Variants in TPCN1 observed in about 807,000 individuals in gnomAD.
TPCN1 encodes two pore channel protein 1.
Under a neutral mutation model 108.8 loss-of-function variants are expected in TPCN1, and 52 were observed. The observed-to-expected ratio is 0.48, with a 90% confidence interval of 0.38 to 0.60. The LOEUF (loss-of-function observed/expected upper bound fraction) is 0.60, where lower values mean the gene tolerates loss of function less well. Ranked by LOEUF, TPCN1 falls within the 20% of genes least tolerant of loss-of-function variation. The pLI is 0.00. For missense variants in TPCN1, 806 were observed against 1,072.8 expected, an observed-to-expected ratio of 0.75 and a Z score of 3.47; for synonymous variants, 446 against 433.7, an observed-to-expected ratio of 1.03 and a Z score of -0.35.
chr12:113,296,565 G>A lies in TPCN1; in HGVS notation c.*489G>A, dbSNP rs143514244. 6.4e-6 allele frequency: 1 copy of A among 156,362 alleles called. No individual in the cohort carries two copies. The highest frequency in any genetic ancestry group is 1.9e-4 in the East Asian group (1 of 5,362). The allele number at this position is 156,362 out of a possible 1,614,324, so 9.7% of individuals were successfully genotyped here. A position where few individuals can be genotyped will look rare whatever the true frequency, so the allele number is the denominator to read the frequency against. ...AAGGAAAGAACTCCCGGTCTCCAGG[G>A]TGGTATTTCAGTGTCTGTGATAATG... is the stretch of plus-strand genomic sequence containing the variant. On this transcript the variant is annotated 3_prime_UTR_variant, in exon 28 of 28. Coordinates refer to ENST00000335509, the MANE Select transcript of TPCN1 (RefSeq NM_017901.6).
intron 2 of TPCN1, among the ~76,000 whole-genome samples, chr12:113,255,653 G>A (rs929512235): frequency 1.3e-5 from 2 of 152,002 alleles, no homozygotes; most frequent in East Asian, 3.9e-4. Flanking sequence ...AGCCTCCTGA[G>A]TAGCTGGGAC....
rs1352964013 is a variant in TPCN1 at position 113,288,722 on chromosome 12, C to G, written c.1707-36C>G. 6.2e-7 allele frequency: 1 copy of G among 1,607,078 alleles called. No homozygotes were observed. The highest frequency in any genetic ancestry group is 1.7e-5 in the Admixed American group (1 of 59,972). On this transcript the variant is annotated intron_variant, in intron 20 of 27. Transcript: ENST00000335509. This position sits in a 1 kb window ranked among gnomAD's most constrained non-coding sequence, Gnocchi z 4.8. Reference sequence around the variant, plus strand: ...GCTGCAGAGGAGCCGTTCCCTCCTGCCGGCCCCGCGTCACCCTGCCCCTGT... The same window carrying G: ...GCTGCAGAGGAGCCGTTCCCTCCTGGCGGCCCCGCGTCACCCTGCCCCTGT...
intron 2 of TPCN1, among the ~76,000 whole-genome samples, chr12:113,237,169 G>A (rs183229413): frequency 9.2e-5 from 14 of 152,240 alleles, no homozygotes; most frequent in African/African-American, 3.1e-4. Context: ...GAAACCCTGG[G>A]GTGGGTCAGC....
Position 113,272,817 on chromosome 12 carries a change from T to C in TPCN1, c.783+125T>C. The C allele has an allele frequency of 2.2e-6, 2 of 921,992 alleles. No homozygotes were observed. Among genetic ancestry groups the C allele is most frequent in the South Asian group, 1.3e-5 (1 of 75,908 alleles). 57.1% of individuals were successfully genotyped at this position (921,992 alleles called of 1,614,324 possible). A position where few individuals can be genotyped will look rare whatever the true frequency, so the allele number is the denominator to read the frequency against. ...GCCTGCCTGGTTTCTCATCATAGCT[T>C]GTGTGTGCATTGCACCTGGGAGTTC... On this transcript the variant is annotated intron_variant, in intron 8 of 27. Transcript: ENST00000335509. The surrounding 1 kb of genome is among the most constrained non-coding windows in gnomAD (Gnocchi z 4.1).
chr12:113,254,500 G>A (rs966121949), intron 2 of TPCN1, among the ~76,000 whole-genome samples: 1 of 152,096 alleles, frequency 6.6e-6, no homozygotes, highest in South Asian at 2.1e-4. Context: ...AGGAATGCAG[G>A]GTTGGTTTAA....
At chr12:113,290,561 C>T (rs976687055) in intron 22 of TPCN1, among the ~76,000 whole-genome samples, 1 of 152,254 alleles carries the variant, frequency 6.6e-6, no homozygotes, top group Non-Finnish European at 1.5e-5. Context: ...CACACCACTG[C>T]TGCTGCAGCT....
At chr12:113,248,816 A>G (rs1333330583) in intron 2 of TPCN1, among the ~76,000 whole-genome samples, 2 of 152,230 alleles carry the variant, frequency 1.3e-5, no homozygotes, top group Non-Finnish European at 2.9e-5. Context: ...AAAGTTACCT[A>G]AAAACACACA....
intron 21 of TPCN1, 58 bp from the exon 22 acceptor site, chr12:113,290,070 C>T (rs576618577): frequency 1.8e-6 from 2 of 1,125,446 alleles, no homozygotes; most frequent in Admixed American, 4.0e-5. Context: ...TCTGTCCTCT[C>T]TGGAGGTGAC....
chr12:113,224,167 G>C (rs2136422299), intron 1 of TPCN1, among the ~76,000 whole-genome samples: 1 of 152,292 alleles, frequency 6.6e-6, no homozygotes, highest in African/African-American at 2.4e-5. Flanking sequence ...TGGGAATACA[G>C]GTTTGGAGTC....
chr12:113,242,969 C>T (rs1259070391), intron 2 of TPCN1, among the ~76,000 whole-genome samples: 1 of 152,210 alleles, frequency 6.6e-6, no homozygotes, highest in African/African-American at 2.4e-5. Flanking sequence ...CATGGTTTCA[C>T]CTTTTCTAAT....
chr12:113,285,492 C>T (rs1049698512), intron 17 of TPCN1, among the ~76,000 whole-genome samples: 2 of 152,210 alleles, frequency 1.3e-5, no homozygotes, highest in Non-Finnish European at 2.9e-5. Flanking sequence ...GTAGCCTCAG[C>T]CTCCCAAGTA....
At chr12:113,256,255 G>A (rs909482408) in intron 2 of TPCN1, among the ~76,000 whole-genome samples, 10 of 151,232 alleles carry the variant, frequency 6.6e-5, no homozygotes, top group African/African-American at 2.4e-4. Flanking sequence ...TAATTCTAAA[G>A]TTCATATGGA....
At position 113,290,050 on chromosome 12, in the gene TPCN1, G is replaced by T. The variant is rs972150771; in HGVS notation, c.1797-78G>T. Reference sequence around the variant, plus strand: ...AGGATCCTTGGCCAGAACTCGGTTTGTTTCAGACTTCTGTCCTCTCTGGAG... The same window carrying T: ...AGGATCCTTGGCCAGAACTCGGTTTTTTTCAGACTTCTGTCCTCTCTGGAG... On this transcript the variant is annotated intron_variant, in intron 21 of 27. Transcript: ENST00000335509. 5.5e-5 allele frequency: 52 copies of T among 947,178 alleles called. 1 individual carries two copies. The highest frequency in any genetic ancestry group is 2.4e-4 in the South Asian group (16 of 67,090). The allele number at this position is 947,178 out of a possible 1,614,324, so 58.7% of individuals were successfully genotyped here. A position where few individuals can be genotyped will look rare whatever the true frequency, so the allele number is the denominator to read the frequency against.
intron 18 of TPCN1, 93 bp from the exon 19 acceptor site, chr12:113,286,894 G>A (rs1956102063): frequency 2.4e-6 from 2 of 845,558 alleles, no homozygotes; most frequent in Admixed American, 3.8e-5. Flanking sequence ...TCTGGGCTCT[G>A]TGGGAGGGTG....
chr12:113,267,997 T>C, intron 5 of TPCN1, 41 bp downstream of exon 5: 1 of 1,360,414 alleles, frequency 7.4e-7, no homozygotes, highest in Non-Finnish European at 1.0e-6. Context: ...CACAGCCTTT[T>C]CTCCCATGTC....
intron 24 of TPCN1, 41 bp from the exon 25 acceptor site, chr12:113,291,833 T>G: frequency 2.8e-5 from 18 of 633,766 alleles, no homozygotes; most frequent in Non-Finnish European, 4.5e-5. Flanking sequence ...CTACCCACCC[T>G]CCTCCCCTGC....
chr12:113,222,627 T>C (rs1249377304), intron 1 of TPCN1, among the ~76,000 whole-genome samples: 4 of 152,220 alleles, frequency 2.6e-5, no homozygotes, highest in Admixed American at 2.6e-4. Context: ...TATTAAACAG[T>C]TAAACAACCG....
At chr12:113,278,364 G>A in intron 13 of TPCN1, 127 bp downstream of exon 13, 1 of 860,074 alleles carries the variant, frequency 1.2e-6, no homozygotes, top group Non-Finnish European at 1.9e-6. Flanking sequence ...AGCTTGGCAT[G>A]GTACACTTCA....
rs1593206509 is a variant in TPCN1 at position 113,288,503 on chromosome 12, T to C, written c.1707-255T>C. On this transcript the variant is annotated intron_variant, in intron 20 of 27. Coordinates refer to ENST00000335509, the MANE Select transcript of TPCN1 (RefSeq NM_017901.6). This position sits in a 1 kb window ranked among gnomAD's most constrained non-coding sequence, Gnocchi z 4.8. Reference sequence around the variant, plus strand: ...TGTGTCTACATTCACAGGTAAGGGGTCACCTGTGAGTCTACCTTCACAGGT... The same window carrying C: ...TGTGTCTACATTCACAGGTAAGGGGCCACCTGTGAGTCTACCTTCACAGGT... 1.3e-6 allele frequency: 2 copies of C among 1,501,614 alleles called. No homozygotes were observed. The highest frequency in any genetic ancestry group is 1.8e-6 in the Non-Finnish European group (2 of 1,128,212). The allele number at this position is 1,501,614 out of a possible 1,614,324, so 93.0% of individuals were successfully genotyped here.
Sources: gnomAD v4.1 joint callset for allele counts (sites outside exome capture counted in the v4.1 genomes callset) on GRCh38, gnomAD v4.1.1 for gene constraint, Gnocchi (gnomAD v3.1) non-coding constraint, MANE v1.5 for transcripts, NCBI Gene and HGNC (gene_info 2026-07-23, HGNC 2026-07-21) for gene names.